The following TENM2 variants were observed in gnomAD, a reference collection of about 807,000 sequenced individuals.
TENM2 encodes the protein teneurin transmembrane protein 2.
In TENM2, 52 loss-of-function variants were observed where a neutral mutation model predicts 245.2. That is an observed-to-expected ratio of 0.21 (90% CI 0.17 to 0.27). The LOEUF is 0.27. Ranked by LOEUF, TENM2 falls within the 10% of genes least tolerant of loss-of-function variation. TENM2 has a pLI of 1.00. For synonymous variants in TENM2, 1,363 were observed against 1,438.9 expected (o/e 0.95, Z 1.19); for missense variants, 3,046 against 3,666.8 (o/e 0.83, Z 4.37).
intron 3 of TENM2, among the ~76,000 whole-genome samples, chr5:167,895,783 A>G (rs2151487395): frequency 6.6e-6 from 1 of 152,344 alleles, no homozygotes; most frequent in East Asian, 1.9e-4. Context: ...ATTCCTGTTT[A>G]ATGATCTTTG....
At chr5:167,265,097 G>A in the TENM2 span, among the ~76,000 whole-genome samples, 1 of 151,906 alleles carries the variant, frequency 6.6e-6, no homozygotes, top group Non-Finnish European at 1.5e-5. Context: ...GGAGACCGAG[G>A]CGAGTGGATC....
At chr5:167,762,834 A>C (rs1031791564) in intron 2 of TENM2, among the ~76,000 whole-genome samples, 1 of 152,242 alleles carries the variant, frequency 6.6e-6, no homozygotes, top group Non-Finnish European at 1.5e-5. Flanking sequence ...TTGTGGCTGG[A>C]AGAATTTCTA....
intron 2 of TENM2, among the ~76,000 whole-genome samples, chr5:167,702,636 T>C (rs1758240227): frequency 6.6e-6 from 1 of 150,814 alleles, no homozygotes; most frequent in African/African-American, 2.4e-5. Flanking sequence ...TTTTTTTGTT[T>C]TTTTGTTTGT....
the TENM2 span, among the ~76,000 whole-genome samples, chr5:166,987,952 G>C: frequency 2.2e-4 from 33 of 152,244 alleles, no homozygotes; most frequent in South Asian, 6.4e-3. Context: ...GAATATGTAG[G>C]TTCTGGGATT....
chr5:167,336,422 C>G (rs929634642), intron 1 of TENM2, among the ~76,000 whole-genome samples: 4 of 148,124 alleles, frequency 2.7e-5, no homozygotes, highest in Non-Finnish European at 4.5e-5. Flanking sequence ...TGCTTTTGTT[C>G]TTGTCCACAG....
intron 25 of TENM2, among the ~76,000 whole-genome samples, chr5:168,237,319 A>C (rs1233435079): frequency 6.6e-6 from 1 of 151,710 alleles, no homozygotes; most frequent in Non-Finnish European, 1.5e-5. Context: ...TGCCCAGCCT[A>C]ATCATATTTT....
At position 167,431,961 on chromosome 5, in the gene TENM2, G is replaced by GTATATATATA. The variant is rs112010521; in HGVS notation, c.502+56496_502+56505dup. Among the ~76,000 whole-genome samples, 205 of 43,562 alleles carry GTATATATATA rather than the reference G, an allele frequency of 4.7e-3. 3 individuals carry two copies. The highest frequency in any genetic ancestry group is 8.0e-3 in the African/African-American group (158 of 19,722). The allele number at this position is 43,562 out of a possible 152,430, so 28.6% of individuals were successfully genotyped here. On this transcript the variant is annotated intron_variant, in intron 2 of 28. Transcript: ENST00000518659. ...TATACATATATATGTATATATATATGTATATATATATATATATGGAAGTTC... is the reference window on the plus strand; with the variant it reads ...TATACATATATATGTATATATATATGTATATATATATATATATATATATATATGGAAGTTC...
At chr5:167,052,454 T>A in the TENM2 span, among the ~76,000 whole-genome samples, 2 of 152,202 alleles carry the variant, frequency 1.3e-5, no homozygotes, top group African/African-American at 4.8e-5. Context: ...GAATTTAACA[T>A]TGTTCCACAT....
chr5:167,033,858 T>C, the TENM2 span, among the ~76,000 whole-genome samples: 1 of 152,222 alleles, frequency 6.6e-6, no homozygotes, highest in Admixed American at 6.5e-5. Flanking sequence ...CTAACTGTCA[T>C]TCAACATGTG....
chr5:167,655,045 A>G (rs974383818), intron 2 of TENM2, among the ~76,000 whole-genome samples: 2 of 152,176 alleles, frequency 1.3e-5, no homozygotes, highest in African/African-American at 4.8e-5. Context: ...TTATATAAGC[A>G]ATTGTGTTAG....
At chr5:167,083,495 G>C in the TENM2 span, among the ~76,000 whole-genome samples, 3 of 152,252 alleles carry the variant, frequency 2.0e-5, no homozygotes, top group Admixed American at 2.0e-4. Flanking sequence ...TTACATCTAA[G>C]AACTTGGATG....
intron 27 of TENM2, among the ~76,000 whole-genome samples, 195 bp downstream of exon 29, chr5:168,248,566 T>C (rs1766809235): frequency 6.6e-6 from 1 of 152,174 alleles, no homozygotes; most frequent in Non-Finnish European, 1.5e-5. Context: ...TGAGGACTGT[T>C]TGAAGATGTC....
chr5:167,765,111 A>G (rs1230913728), intron 2 of TENM2, among the ~76,000 whole-genome samples: 1 of 152,190 alleles, frequency 6.6e-6, no homozygotes, highest in Non-Finnish European at 1.5e-5. Context: ...ATTCAAATTG[A>G]GACCTACAGG....
chr5:167,144,013 G>A, the TENM2 span, among the ~76,000 whole-genome samples: 1 of 152,042 alleles, frequency 6.6e-6, no homozygotes, highest in Non-Finnish European at 1.5e-5. Flanking sequence ...TTCTGTGATC[G>A]CTCATCAAGG....
chr5:167,613,455 A>T (rs1777600099), intron 2 of TENM2, among the ~76,000 whole-genome samples: 1 of 152,166 alleles, frequency 6.6e-6, no homozygotes, highest in Non-Finnish European at 1.5e-5. Context: ...TTGTGTCCAG[A>T]ATTAACCACC....
chr5:167,993,646 A>G (rs945536040), intron 5 of TENM2, among the ~76,000 whole-genome samples: 1 of 152,212 alleles, frequency 6.6e-6, no homozygotes, highest in African/African-American at 2.4e-5. Context: ...TAGCTAGCTT[A>G]TTTTCAGAGC....
chr5:167,158,913 C>CCTCTCT, the TENM2 span, among the ~76,000 whole-genome samples: 55 of 105,340 alleles, frequency 5.2e-4, no homozygotes, highest in African/African-American at 2.2e-3. Context: ...CCTTCCTCTT[C>CCTCTCT]CTCTCTCTCT....
intron 2 of TENM2, among the ~76,000 whole-genome samples, chr5:167,382,261 A>G (rs1205826754): frequency 2.0e-5 from 3 of 152,182 alleles, no homozygotes; most frequent in Non-Finnish European, 2.9e-5. Flanking sequence ...AATTATGTTC[A>G]GTTTTGATCC....
intron 2 of TENM2, among the ~76,000 whole-genome samples, chr5:167,697,538 A>AT (rs56978585): frequency 0.076 from 11,573 of 151,486 alleles, 530 homozygotes; most frequent in African/African-American, 0.13. Flanking sequence ...AGAGTTATCA[A>AT]TTTTTTTTTG....
Sources: gnomAD v4.1 joint callset for allele counts (sites outside exome capture counted in the v4.1 genomes callset) on GRCh38, gnomAD v4.1.1 for gene constraint, MANE v1.5 for transcripts, NCBI Gene and HGNC (gene_info 2026-07-23, HGNC 2026-07-21) for gene names.